APP: variants seen among roughly 807,000 people sequenced by gnomAD.
APP encodes amyloid beta precursor protein.
In APP, 31 loss-of-function variants were observed where a neutral mutation model predicts 101.4. The ratio of observed to expected loss-of-function variants is 0.31; its 90% CI spans 0.23 to 0.41. The LOEUF is 0.41. APP is among the 10% of genes least tolerant of loss of function. APP has a pLI of 1.00. For missense variants in APP, 839 were observed against 1,003.7 expected (o/e 0.84, Z 2.22); for synonymous variants, 366 against 364.4 (o/e 1.00, Z -0.05).
At chr21:26,045,028 A>G (rs1400956592) in intron 5 of APP, among the ~76,000 whole-genome samples, 1 of 152,172 alleles carries the variant, frequency 6.6e-6, no homozygotes, top group Non-Finnish European at 1.5e-5. Context: ...CAACACATTT[A>G]TTTGATACCA....
chr21:26,086,024 T>C (rs1340924163), intron 3 of APP, among the ~76,000 whole-genome samples: 1 of 152,230 alleles, frequency 6.6e-6, no homozygotes, highest in South Asian at 2.1e-4. Context: ...TAATTTATTT[T>C]ACGCAATGTT....
chr21:25,930,236 C>G (rs1181468310), intron 13 of APP, among the ~76,000 whole-genome samples: 1 of 152,152 alleles, frequency 6.6e-6, no homozygotes, highest in Non-Finnish European at 1.5e-5. Context: ...TCCTGTGTGA[C>G]CAGCCCCGTC....
intron 1 of APP, among the ~76,000 whole-genome samples, chr21:26,163,441 G>A (rs2063542092): frequency 6.6e-6 from 1 of 151,986 alleles, no homozygotes; most frequent in Non-Finnish European, 1.5e-5. Context: ...TCATTCATCA[G>A]GATCCATTAA....
rs2063729588 is a variant in APP at position 26,170,722 on chromosome 21, G to A, written c.-102C>T. On this transcript the variant is annotated 5_prime_UTR_variant, in exon 1 of 18. Transcript: ENST00000346798. ...ACCGCCGCCGTCTCCCGGGGCCCCC[G>A]CGCACGCTCCTCCGCGTGCTCTCGC... 1 of 1,244,080 alleles carries A rather than the reference G, an allele frequency of 8.0e-7. No homozygotes were observed. The highest frequency in any genetic ancestry group is 1.6e-5 in the South Asian group (1 of 60,800). 77.1% of individuals were successfully genotyped at this position (1,244,080 alleles called of 1,614,324 possible). A position where few individuals can be genotyped will look rare whatever the true frequency, so the allele number is the denominator to read the frequency against.
chr21:26,089,626 T>C (rs573500594), intron 3 of APP: 1 of 231,114 alleles, frequency 4.3e-6, no homozygotes, highest in Non-Finnish European at 8.8e-6. Context: ...GAATCATCTA[T>C]GCGATACGGT....
intron 2 of APP, among the ~76,000 whole-genome samples, chr21:26,096,284 A>C (rs1162548427): frequency 6.6e-6 from 1 of 152,224 alleles, no homozygotes; most frequent in African/African-American, 2.4e-5. Context: ...TGGTGAAAAG[A>C]AGCTTTCCTC....
chr21:26,012,407 C>G (rs1469396998), intron 6 of APP, among the ~76,000 whole-genome samples: 1 of 151,980 alleles, frequency 6.6e-6, no homozygotes, highest in Non-Finnish European at 1.5e-5. Context: ...ATATGAGATT[C>G]ATTCATTCTT....
intron 1 of APP, among the ~76,000 whole-genome samples, chr21:26,142,783 GA>G (rs1471302077): frequency 6.7e-6 from 1 of 148,554 alleles, no homozygotes; most frequent in East Asian, 2.0e-4. Flanking sequence ...AAAAAGTAAA[GA>G]AAAAGTGAAA....
chr21:26,100,979 T>A (rs1239736611), intron 2 of APP, among the ~76,000 whole-genome samples: 1 of 151,548 alleles, frequency 6.6e-6, no homozygotes, highest in Non-Finnish European at 1.5e-5. Flanking sequence ...ACCAGAGACA[T>A]CAACACCTTC....
At chr21:25,929,089 C>T (rs116565084) in intron 13 of APP, 1 of 152,216 alleles carries the variant, frequency 6.6e-6, no homozygotes, top group Non-Finnish European at 1.5e-5. Context: ...ACAGCTATCT[C>T]TTCACTCTTC....
chr21:26,100,447 T>C (rs1335569346), intron 2 of APP, among the ~76,000 whole-genome samples: 1 of 152,264 alleles, frequency 6.6e-6, no homozygotes, highest in Non-Finnish European at 1.5e-5. Flanking sequence ...AAAGTAATAA[T>C]GGTCAAGAAT....
At chr21:26,121,465 G>A (rs1407420376) in intron 1 of APP, among the ~76,000 whole-genome samples, 1 of 151,786 alleles carries the variant, frequency 6.6e-6, no homozygotes, top group African/African-American at 2.4e-5. Context: ...TCAGCTCACT[G>A]CAACCTCCAC....
intron 16 of APP, among the ~76,000 whole-genome samples, chr21:25,892,561 G>A (rs1359517706): frequency 2.0e-5 from 3 of 152,098 alleles, no homozygotes; most frequent in Non-Finnish European, 2.9e-5. Flanking sequence ...TGAAGTACAG[G>A]CAACAAGAAT....
intron 5 of APP, among the ~76,000 whole-genome samples, chr21:26,040,921 T>C (rs149165288): frequency 1.3e-5 from 2 of 152,174 alleles, no homozygotes; most frequent in Non-Finnish European, 2.9e-5. Flanking sequence ...CAATTTTACA[T>C]TGAAACACTG....
intron 5 of APP, among the ~76,000 whole-genome samples, chr21:26,035,587 CTTCA>C (rs2045068608): frequency 6.6e-6 from 1 of 152,160 alleles, no homozygotes; most frequent in Non-Finnish European, 1.5e-5. Flanking sequence ...CCAAATAAGG[CTTCA>C]TTGTTTTCTC....
intron 5 of APP, among the ~76,000 whole-genome samples, chr21:26,026,393 T>C (rs1044419346): frequency 2.6e-5 from 4 of 152,202 alleles, no homozygotes; most frequent in Admixed American, 2.0e-4. Context: ...AAATCACTGA[T>C]GATAAAATTT....
chr21:25,989,421 A>T, intron 8 of APP, among the ~76,000 whole-genome samples: 1 of 152,188 alleles, frequency 6.6e-6, no homozygotes, highest in Non-Finnish European at 1.5e-5. Context: ...TATCATTTTG[A>T]TATGCATTTG....
chr21:25,887,902 C>T (rs1398728783), intron 17 of APP, among the ~76,000 whole-genome samples: 1 of 152,184 alleles, frequency 6.6e-6, no homozygotes, highest in East Asian at 1.9e-4. Flanking sequence ...TCAGAACGTT[C>T]TCTCCAGTGT....
intron 7 of APP, among the ~76,000 whole-genome samples, chr21:25,998,495 G>A (rs73899749): frequency 0.057 from 8,652 of 152,052 alleles, 800 homozygotes; most frequent in African/African-American, 0.2. Context: ...AGACCAACAG[G>A]AGCTTTTCCA....
Sources: allele counts gnomAD v4.1 joint callset (sites outside exome capture counted in the v4.1 genomes callset), GRCh38; gene constraint gnomAD v4.1.1; transcripts MANE v1.5; gene names NCBI Gene and HGNC (gene_info 2026-07-23, HGNC 2026-07-21).